The following MPHOSPH8 variants were observed in gnomAD, a reference collection of about 807,000 sequenced individuals.
MPHOSPH8 encodes the protein M-phase phosphoprotein, mpp.
In MPHOSPH8, 45 loss-of-function variants were observed where a neutral mutation model predicts 87.3. That is an observed-to-expected ratio of 0.52 (90% CI 0.41 to 0.66). MPHOSPH8 has a LOEUF of 0.66. Among genes scored for constraint, MPHOSPH8 ranks in the 30% least tolerant of loss-of-function variants. MPHOSPH8 has a pLI of 0.00. For synonymous variants in MPHOSPH8, 366 were observed against 376.9 expected (o/e 0.97, Z 0.33); for missense variants, 883 against 1,020.2 (o/e 0.87, Z 1.83).
intron 10 of MPHOSPH8, among the ~76,000 whole-genome samples, chr13:19,667,594 TG>T (rs1215756092): frequency 2.6e-5 from 4 of 151,928 alleles, no homozygotes; most frequent in African/African-American, 4.8e-5. Flanking sequence ...CCAGAACAGG[TG>T]GAATCACACA....
At chr13:19,663,793 C>T (rs57226090) in intron 9 of MPHOSPH8, among the ~76,000 whole-genome samples, 16,117 of 152,094 alleles carry the variant, frequency 0.11, 1,034 homozygotes, top group African/African-American at 0.18. Context: ...GGGGACCTGT[C>T]CTCTTTCCTT....
intron 4 of MPHOSPH8, among the ~76,000 whole-genome samples, chr13:19,649,343 T>C (rs547790010): frequency 1.2e-4 from 19 of 152,264 alleles, no homozygotes; most frequent in African/African-American, 4.6e-4. Flanking sequence ...CAGCCTTAAA[T>C]GGAACTACTG....
At chr13:19,638,123 C>T (rs1334334944) in intron 1 of MPHOSPH8, among the ~76,000 whole-genome samples, 3 of 151,024 alleles carry the variant, frequency 2.0e-5, no homozygotes, top group Non-Finnish European at 4.4e-5. Flanking sequence ...AAGTTGTATA[C>T]AATAGTTTTC....
chr13:19,671,179 G>A, intron 12 of MPHOSPH8, 27 bp from the exon 13 acceptor site: 1 of 1,608,194 alleles, frequency 6.2e-7, no homozygotes, highest in Non-Finnish European at 8.5e-7. Context: ...TGAAAACACT[G>A]ACTTTTTTTT....
chr13:19,636,409 A>G (rs987359836), intron 1 of MPHOSPH8, among the ~76,000 whole-genome samples: 1 of 152,228 alleles, frequency 6.6e-6, no homozygotes, highest in Non-Finnish European at 1.5e-5. Context: ...ATACACCACC[A>G]TTCCAAATCA....
chr13:19,648,569 A>G, intron 4 of MPHOSPH8, 48 bp downstream of exon 4: 1 of 855,336 alleles, frequency 1.2e-6, no homozygotes, highest in Non-Finnish European at 1.6e-6. Context: ...TATCTTTTAT[A>G]CAAATAACCA....
chr13:19,652,758 G>C (rs959773122), intron 5 of MPHOSPH8, among the ~76,000 whole-genome samples: 1 of 152,126 alleles, frequency 6.6e-6, no homozygotes, highest in Admixed American at 6.5e-5. Flanking sequence ...AGGGGTGTCC[G>C]CCATTGCTGA....
At position 19,659,128 on chromosome 13, in the gene MPHOSPH8, G is replaced by A; in HGVS notation, c.1702+8G>A. Reference sequence around the variant, plus strand: ...CAGATGCAATTCCAAGTAGTGAGTAGTTTTGGAAATATTGAAATCCCTTTC... The same window carrying A: ...CAGATGCAATTCCAAGTAGTGAGTAATTTTGGAAATATTGAAATCCCTTTC... On this transcript the variant is annotated splice_region_variant and intron_variant, in intron 6 of 13. Transcript: ENST00000361479. 6.2e-7 allele frequency: 1 copy of A among 1,612,160 alleles called. No individual in the cohort carries two copies. The highest frequency in any genetic ancestry group is 1.3e-5 in the African/African-American group (1 of 74,914).
At chr13:19,657,819 A>AGT (rs1472179394) in intron 5 of MPHOSPH8, among the ~76,000 whole-genome samples, 2 of 151,948 alleles carry the variant, frequency 1.3e-5, no homozygotes, top group African/African-American at 4.8e-5. Flanking sequence ...TTGCTTCCTC[A>AGT]GTGGTGGGAT....
In MPHOSPH8 at chr13:19,671,927, CTTT is replaced by C. The variant is rs1876154001; in HGVS notation, c.*53_*55del. ...CTCTTCAGACCGATTCCTATACTCT[CTTT>C]GACAGCAGTTTGGAATTCTTCTAGC... is the stretch of plus-strand genomic sequence containing the variant. On this transcript the variant is annotated 3_prime_UTR_variant, in exon 14 of 14. Coordinates refer to ENST00000361479, the MANE Select transcript of MPHOSPH8 (RefSeq NM_017520.4). 1 of 1,562,768 alleles carries C rather than the reference CTTT, an allele frequency of 6.4e-7. No individual in the cohort carries two copies. Among genetic ancestry groups the C allele is most frequent in the Admixed American group, 1.7e-5 (1 of 58,866 alleles).
chr13:19,669,788 A>T (rs982387492), intron 11 of MPHOSPH8, among the ~76,000 whole-genome samples: 2 of 152,102 alleles, frequency 1.3e-5, no homozygotes, highest in Non-Finnish European at 2.9e-5. Context: ...GGGATTACAG[A>T]CATGAGCCAC....
rs1278941504 is a variant in MPHOSPH8 at position 19,672,600 on chromosome 13, G to T, written c.*725G>T. 1 of 153,014 alleles carries T rather than the reference G, an allele frequency of 6.5e-6. No homozygotes were observed. The highest frequency in any genetic ancestry group is 2.4e-5 in the African/African-American group (1 of 41,416). 9.5% of individuals were successfully genotyped at this position (153,014 alleles called of 1,614,324 possible). ...TTACCCAAGCACCAAATAAAGTGTG[G>T]GTTTGCTGCCCTTGAAAGGGTTGGG... On this transcript the variant is annotated 3_prime_UTR_variant, in exon 14 of 14. Transcript: ENST00000361479.
intron 5 of MPHOSPH8, among the ~76,000 whole-genome samples, chr13:19,652,675 C>A (rs1011550300): frequency 1.3e-5 from 2 of 152,156 alleles, no homozygotes; most frequent in African/African-American, 4.8e-5. Flanking sequence ...AAGCTAAGAT[C>A]CACTGGCTTG....
chr13:19,653,106 G>A (rs1323401793), intron 5 of MPHOSPH8, among the ~76,000 whole-genome samples: 2 of 152,196 alleles, frequency 1.3e-5, no homozygotes, highest in Non-Finnish European at 2.9e-5. Flanking sequence ...CTCCTCAAGT[G>A]GGTCCCTGAC....
intron 10 of MPHOSPH8, among the ~76,000 whole-genome samples, chr13:19,667,494 TA>T (rs995524068): frequency 6.6e-6 from 1 of 152,198 alleles, no homozygotes; most frequent in African/African-American, 2.4e-5. Flanking sequence ...TTCACTGCCT[TA>T]AAAAGCCTGT....
intron 9 of MPHOSPH8, among the ~76,000 whole-genome samples, 199 bp downstream of exon 9, chr13:19,663,325 A>T (rs1386510572): frequency 6.6e-6 from 1 of 152,202 alleles, no homozygotes; most frequent in Non-Finnish European, 1.5e-5. Flanking sequence ...CAGTGGTGTG[A>T]TCAGAACAGG....
Position 19,666,538 on chromosome 13 carries a change from C to T in MPHOSPH8, c.2133C>T (p.Asn711=). 1 of 1,601,432 alleles carries T rather than the reference C, an allele frequency of 6.2e-7. No homozygotes were observed. Among genetic ancestry groups the T allele is most frequent in the Non-Finnish European group, 8.5e-7 (1 of 1,169,704 alleles). The change falls in exon 10 of 14, where the codon AAC becomes AAT. Residue 711 remains asparagine (N), a synonymous_variant. Coordinates refer to ENST00000361479, the MANE Select transcript of MPHOSPH8 (RefSeq NM_017520.4). ...CCCTGCACTTTGCGAAGCAGTCTAA[C>T]AATGTGCTTGTGTACGACTTGCTGA... ...NSALHFAKQS[N]NVLVYDLLKN...
chr13:19,638,849 G>A (rs79656331), intron 1 of MPHOSPH8, among the ~76,000 whole-genome samples: 2,768 of 151,842 alleles, frequency 0.018, 70 homozygotes, highest in African/African-American at 0.057. Flanking sequence ...TAGCTAGAAT[G>A]GTGCTAGCGG....
chr13:19,664,023 G>T (rs374560028), intron 9 of MPHOSPH8, among the ~76,000 whole-genome samples: 1 of 152,042 alleles, frequency 6.6e-6, no homozygotes, highest in African/African-American at 2.4e-5. Context: ...TCCTTCTGTC[G>T]CCCGGGCTGG....
Sources: gnomAD v4.1 joint callset for allele counts (sites outside exome capture counted in the v4.1 genomes callset) on GRCh38, gnomAD v4.1.1 for gene constraint, MANE v1.5 for transcripts, NCBI Gene and HGNC (gene_info 2026-07-23, HGNC 2026-07-21) for gene names.